MBOAT4: variants seen among roughly 807,000 people sequenced by gnomAD.
MBOAT4 encodes the protein membrane bound ghrelin O-acyltransferase MBOAT4.
MBOAT4 carries 11 observed loss-of-function variants against 13.2 expected under a neutral mutation model. The observed-to-expected ratio is 0.84, with a 90% CI of 0.53 to 1.38. The LOEUF is 1.38. MBOAT4 is among the 40% of genes most tolerant of loss of function. MBOAT4 has a pLI of 0.00. For missense variants in MBOAT4, 481 were observed against 527.2 expected, an observed-to-expected ratio of 0.91 and a Z score of 0.86; for synonymous variants, 202 against 210.3, an observed-to-expected ratio of 0.96 and a Z score of 0.34.
At chr8:30,133,913 G>C (rs1803083604) in intron 2 of MBOAT4, among the ~76,000 whole-genome samples, 1 of 152,048 alleles carries the variant, frequency 6.6e-6, no homozygotes, top group African/African-American at 2.4e-5. Flanking sequence ...CTCAATGCTT[G>C]TATGTCTGAT....
chr8:30,132,097 TG>T lies in MBOAT4; in HGVS notation c.1153del (p.His385ThrfsTer4), dbSNP rs1563220339. ...GATGTAGGCAATGATCAACTGGGTG[TG>T]GGCCCAGGTGAGGGTTCTATAGAAC... The part of the protein sequence containing the change: ...RLFYRTLTWA[H>X]TQLIIAYIML... On this transcript the variant is annotated frameshift_variant, in exon 3 of 3. Coordinates refer to ENST00000320542, the MANE Select transcript of MBOAT4 (RefSeq NM_001100916.2). LOFTEE classifies it low-confidence loss of function (END_TRUNC). The T allele has an allele frequency of 6.4e-7, 1 of 1,551,678 alleles. No homozygotes were observed. Among genetic ancestry groups the T allele is most frequent in the Admixed American group, 2.0e-5 (1 of 50,988 alleles).
intron 1 of MBOAT4, among the ~76,000 whole-genome samples, chr8:30,143,378 T>A (rs1482366898): frequency 0.025 from 70 of 2,752 alleles, no homozygotes; most frequent in African/African-American, 0.028. Flanking sequence ...TATATATATA[T>A]ATATATATAT....
At chr8:30,139,183 C>A (rs1803216299) in intron 1 of MBOAT4, among the ~76,000 whole-genome samples, 1 of 151,604 alleles carries the variant, frequency 6.6e-6, no homozygotes, top group Non-Finnish European at 1.5e-5. Context: ...AAACTCTTGG[C>A]CTCAAGCGAT....
Position 30,136,152 on chromosome 8 carries a change from C to T in MBOAT4, c.344+2380G>A, listed in dbSNP as rs563332881. Among the ~76,000 whole-genome samples the T allele has an allele frequency of 4.6e-5, 7 of 152,294 alleles. No individual in the cohort carries two copies. In the East Asian group the frequency reaches 1.4e-3, roughly 29 times the overall value. ...ATGGACTGAATGTGCCCCCAAAATT[C>T]CTGTGCTTATGGTCTAACCCCAGTA... On this transcript the variant is annotated intron_variant, in intron 2 of 2. Transcript: ENST00000320542.
chr8:30,143,577 T>C (rs1244130526), intron 1 of MBOAT4, among the ~76,000 whole-genome samples: 1 of 152,084 alleles, frequency 6.6e-6, no homozygotes. Flanking sequence ...GTGCTGTCTC[T>C]AATGTGTTGA....
intron 2 of MBOAT4, among the ~76,000 whole-genome samples, chr8:30,136,362 G>A (rs866874128): frequency 3.8e-4 from 58 of 152,302 alleles, no homozygotes; most frequent in African/African-American, 1.2e-3. Flanking sequence ...ACTGCCACCC[G>A]CAAGCCACGA....
At chr8:30,135,788 C>G (rs1803126277) in intron 2 of MBOAT4, among the ~76,000 whole-genome samples, 2 of 151,782 alleles carry the variant, frequency 1.3e-5, no homozygotes, top group East Asian at 3.9e-4. Context: ...GTGGTGCATG[C>G]CTGTGGTCCC....
In MBOAT4 at chr8:30,132,549, A is replaced by G. The variant is rs1233170720; in HGVS notation, c.702T>C (p.Asp234=). 2 of 1,551,748 alleles carry G rather than the reference A, an allele frequency of 1.3e-6. No homozygotes were observed. The highest frequency in any genetic ancestry group is 2.4e-5 in the East Asian group (1 of 40,920). The change falls in exon 3 of 3, where the codon GAT becomes GAC. Residue 234 remains aspartate, a synonymous_variant. Coordinates refer to ENST00000320542, the MANE Select transcript of MBOAT4 (RefSeq NM_001100916.2). ...RVVDAGAGLT[D]CQQFECIYVV... ...CATAGATGCACTCGAATTGCTGGCA[A>G]TCAGTCAGTCCCGCTCCTGCATCCA... is the stretch of plus-strand genomic sequence containing the variant.
In MBOAT4 at chr8:30,132,533, A is replaced by C. The variant is rs1563220600; in HGVS notation, c.718T>G (p.Cys240Gly). The change falls in exon 3 of 3, where the codon TGC becomes GGC. Residue 240 changes from cysteine (C) to glycine (G), a missense_variant. Cys to Gly is a radical substitution (Grantham distance 159). Coordinates refer to ENST00000320542, the MANE Select transcript of MBOAT4 (RefSeq NM_001100916.2). ...AGLTDCQQFE[C>G]IYVVWTTAGL... ...GCTGTGGTCCACACGACATAGATGC[A>C]CTCGAATTGCTGGCAATCAGTCAGT... The C allele has an allele frequency of 1.3e-6, 2 of 1,551,526 alleles. No homozygotes were observed. Among genetic ancestry groups the C allele is most frequent in the Non-Finnish European group, 1.7e-6 (2 of 1,147,002 alleles).
In MBOAT4 at chr8:30,135,981, A is replaced by G. The variant is rs115243219; in HGVS notation, c.344+2551T>C. Among the ~76,000 whole-genome samples the G allele has an allele frequency of 5.1e-3, 777 of 151,746 alleles. 12 individuals carry two copies. Among genetic ancestry groups the G allele is most frequent in the African/African-American group, 0.018 (735 of 41,394 alleles). On this transcript the variant is annotated intron_variant, in intron 2 of 2. Coordinates refer to ENST00000320542, the MANE Select transcript of MBOAT4 (RefSeq NM_001100916.2). Reference sequence around the variant, plus strand: ...TACAGTCAGAAATGCTGTCCTGTGGAGAGAAAACAACAGTCTTCTAACTGC... The same window carrying G: ...TACAGTCAGAAATGCTGTCCTGTGGGGAGAAAACAACAGTCTTCTAACTGC...
intron 2 of MBOAT4, chr8:30,137,254 T>A: frequency 6.5e-7 from 1 of 1,538,894 alleles, no homozygotes; most frequent in South Asian, 1.2e-5. Flanking sequence ...TAATTAGCTC[T>A]TGATTTCTGT....
rs750128376 is a variant in MBOAT4, at chr8:30,132,293, G to A, written c.958C>T (p.Gln320Ter). The A allele has an allele frequency of 2.8e-5, 43 of 1,551,652 alleles. No individual in the cohort carries two copies. The highest frequency in any genetic ancestry group is 1.7e-4 in the Middle Eastern group (1 of 6,014). ...AACAACGGCCAAGCCCTGCTGTGCT[G>A]GAATACAAGCCGTCGGAGCCATCGA... is the stretch of plus-strand genomic sequence containing the variant. The part of the protein sequence containing the change: ...TARWLRRLVF[Q>*]HSRAWPLLQT... Residue 320 changes from glutamine (Q) to a stop codon, truncating the protein, a stop_gained, in exon 3 of 3, where the codon CAG (glutamine) becomes TAG (stop). Transcript: ENST00000320542. LOFTEE classifies it low-confidence loss of function (END_TRUNC).
intron 2 of MBOAT4, 100 bp from the exon 3 acceptor site, chr8:30,133,006 CT>C (rs1803060866): frequency 8.3e-7 from 1 of 1,199,340 alleles, no homozygotes; most frequent in South Asian, 1.7e-5. Flanking sequence ...ATAGATAGGT[CT>C]GTACAGCTAA....
chr8:30,138,551 G>A lies in MBOAT4; in HGVS notation c.325C>T (p.His109Tyr). The change falls in exon 2 of 3, where the codon CAT (histidine) becomes TAT (tyrosine). Residue 109 changes from histidine to tyrosine, a missense_variant. Transcript: ENST00000320542. ...GCTTACCTCACAGAAGGAGGCTCAT[G>A]CAGATAATACTCAGTGTAGTGCAGA... is the stretch of plus-strand genomic sequence containing the variant. Reference protein sequence around the residue: ...LGLHYTEYYLHEPPSVRFCIT... With the variant: ...LGLHYTEYYLYEPPSVRFCIT... 6.5e-7 allele frequency: 1 copy of A among 1,549,444 alleles called. No homozygotes were observed.
rs1803047490 is a variant in MBOAT4 at position 30,132,574 on chromosome 8, A to G, written c.677T>C (p.Val226Ala). 6.4e-7 allele frequency: 1 copy of G among 1,551,590 alleles called. No individual in the cohort carries two copies. Among genetic ancestry groups the G allele is most frequent in the Non-Finnish European group, 8.7e-7 (1 of 1,147,018 alleles). ...ECLNVAVSRV[V>A]DAGAGLTDCQ... ...ATCAGTCAGTCCCGCTCCTGCATCC[A>G]CCACCCTGCTCACTGCCACGTTTAG... Residue 226 changes from valine to alanine, a missense_variant, in exon 3 of 3, where the codon GTG becomes GCG. Coordinates refer to ENST00000320542, the MANE Select transcript of MBOAT4 (RefSeq NM_001100916.2).
rs143807940 is a variant in MBOAT4 at position 30,132,908 on chromosome 8, T to C, written c.345-2A>G. The C allele has an allele frequency of 1.3e-6, 2 of 1,500,814 alleles. No individual in the cohort carries two copies. The highest frequency in any genetic ancestry group is 2.6e-5 in the South Asian group (2 of 77,524). 93.0% of individuals were successfully genotyped at this position (1,500,814 alleles called of 1,614,324 possible). On this transcript the variant is annotated splice_acceptor_variant, in intron 2 of 2. Coordinates refer to ENST00000320542, the MANE Select transcript of MBOAT4 (RefSeq NM_001100916.2). LOFTEE classifies it high-confidence loss of function. ...AGAGAAGAAAGAGTGATGCAGAACC[T>C]GCAAGATAATTTTTTAAAGAACATA...
rs1803057620 is a variant in MBOAT4 at position 30,132,869 on chromosome 8, G to T, written c.382C>A (p.Gln128Lys). The T allele has an allele frequency of 6.5e-7, 1 of 1,543,624 alleles. No individual in the cohort carries two copies. Among genetic ancestry groups the T allele is most frequent in the African/African-American group, 1.4e-5 (1 of 72,468 alleles). ...ITLSSLMLLT[Q>K]RVTSLSLDIC... ...TCCAGAGAGAGGGACGTGACCCTCTGGGTCAAGAGCATGAGAGAAGAAAGA... is the reference window on the plus strand; with the variant it reads ...TCCAGAGAGAGGGACGTGACCCTCTTGGTCAAGAGCATGAGAGAAGAAAGA... Residue 128 changes from glutamine (Q) to lysine (K), a missense_variant, in exon 3 of 3, where the codon CAG becomes AAG. Transcript: ENST00000320542.
At chr8:30,138,846 G>A (rs1014138666) in intron 1 of MBOAT4, 90 bp from the exon 2 acceptor site, 2 of 985,768 alleles carry the variant, frequency 2.0e-6, no homozygotes, top group African/African-American at 3.2e-5. Flanking sequence ...ACCCGATCTG[G>A]TAGGCCCCAC....
At chr8:30,137,375 T>G (rs1476626622) in intron 2 of MBOAT4, 2 of 1,551,528 alleles carry the variant, frequency 1.3e-6, no homozygotes, top group Admixed American at 3.9e-5. Flanking sequence ...ATGAGAAGAT[T>G]GTTACCTGCA....
Sources: allele counts gnomAD v4.1 joint callset (sites outside exome capture counted in the v4.1 genomes callset), GRCh38; gene constraint gnomAD v4.1.1; transcripts MANE v1.5; gene names NCBI Gene and HGNC (gene_info 2026-07-23, HGNC 2026-07-21).